Variants in COL11A1 observed in about 807,000 individuals in gnomAD.
The protein encoded by COL11A1 is collagen alpha-1(XI) chain.
COL11A1 carries 74 observed loss-of-function variants against 265.2 expected under a neutral mutation model. The observed-to-expected ratio is 0.28, with a 90% confidence interval of 0.23 to 0.34. The LOEUF (loss-of-function observed/expected upper bound fraction) is 0.34, where lower values mean the gene tolerates loss of function less well. Ranked by LOEUF, COL11A1 falls within the 10% of genes least tolerant of loss-of-function variation. The pLI is 1.00. For missense variants in COL11A1, 2,165 were observed against 2,263.6 expected (o/e 0.96, Z 0.88); for synonymous variants, 816 against 727.6 (o/e 1.12, Z -1.96).
At chr1:102,978,977 A>G in intron 33 of COL11A1, 64 bp from the exon 34 acceptor site, 3 of 1,609,930 alleles carry the variant, frequency 1.9e-6, no homozygotes, top group South Asian at 1.1e-5. Context: ...CACTAAATCA[A>G]TTTTTATTTT....
chr1:103,014,604 G>GATAAC lies in COL11A1; in HGVS notation c.1489-15_1489-11dup. ...CACCACCATAACGGAACTTGGAAGAGATAACATTAAGAAATTCAAAATTAG... is the reference window on the plus strand; with the variant it reads ...CACCACCATAACGGAACTTGGAAGAGATAACATAACATTAAGAAATTCAAAATTAG... On this transcript the variant is annotated splice_polypyrimidine_tract_variant and intron_variant, in intron 12 of 66. Coordinates refer to ENST00000370096, the MANE Select transcript of COL11A1 (RefSeq NM_001854.4). The GATAAC allele has an allele frequency of 6.2e-7, 1 of 1,611,246 alleles. No individual in the cohort carries two copies. The highest frequency in any genetic ancestry group is 8.5e-7 in the Non-Finnish European group (1 of 1,177,570).
chr1:102,958,088 G>C (rs554672965), intron 41 of COL11A1, among the ~76,000 whole-genome samples: 1 of 151,766 alleles, frequency 6.6e-6, no homozygotes, highest in East Asian at 1.9e-4. Context: ...ACAATTATTT[G>C]GTCAATATTC....
intron 1 of COL11A1, among the ~76,000 whole-genome samples, chr1:103,083,787 G>A (rs913322496): frequency 2.5e-4 from 38 of 152,236 alleles, no homozygotes; most frequent in South Asian, 6.2e-4. Context: ...AAAGTCCCTG[G>A]AGATGAGTAA....
intron 4 of COL11A1, among the ~76,000 whole-genome samples, chr1:103,034,615 G>GT (rs919289299): frequency 6.7e-6 from 1 of 150,248 alleles, no homozygotes; most frequent in African/African-American, 2.5e-5. Flanking sequence ...ATTTAGTCAT[G>GT]TTTTTTACGT....
In COL11A1 at chr1:102,914,609, A is replaced by G. The variant is rs551133946; in HGVS notation, c.3924+95T>C. The G allele has an allele frequency of 2.4e-4, 247 of 1,018,916 alleles. 2 individuals are homozygous for G. The African/African-American group carries it at 3.2e-3, about 13-fold the overall frequency. 63.1% of individuals were successfully genotyped at this position (1,018,916 alleles called of 1,614,324 possible). On this transcript the variant is annotated intron_variant, in intron 51 of 66. Coordinates refer to ENST00000370096, the MANE Select transcript of COL11A1 (RefSeq NM_001854.4). ...TGATGAAAAGTCAGATTTACCATCT[A>G]TGTTCCAGAGTCTCAGGATTTCAAA...
intron 4 of COL11A1, among the ~76,000 whole-genome samples, chr1:103,057,555 A>C (rs566869879): frequency 6.6e-6 from 1 of 152,318 alleles, no homozygotes; most frequent in African/African-American, 2.4e-5. Flanking sequence ...TATGTATGGC[A>C]GCCATAGCAT....
chr1:102,941,911 A>G (rs1291977718), intron 42 of COL11A1, among the ~76,000 whole-genome samples: 2 of 152,154 alleles, frequency 1.3e-5, no homozygotes, highest in Admixed American at 6.5e-5. Context: ...TGGCCTGTGG[A>G]CCAGAGTAGT....
intron 36 of COL11A1, among the ~76,000 whole-genome samples, chr1:102,974,404 A>C (rs890565505): frequency 6.6e-6 from 1 of 152,148 alleles, no homozygotes; most frequent in Non-Finnish European, 1.5e-5. Flanking sequence ...ATATAAATAG[A>C]TTTTAGCATG....
At chr1:103,004,749 C>T (rs1019775899) in intron 18 of COL11A1, 88 bp from the exon 19 acceptor site, 5 of 1,172,184 alleles carry the variant, frequency 4.3e-6, no homozygotes, top group Non-Finnish European at 6.2e-6. Context: ...CCAAATAAAA[C>T]AGGACATTTG....
In COL11A1 at chr1:103,015,378, A is replaced by T. The variant is rs994270038; in HGVS notation, c.1488+290T>A. ...TTAATGTTATGTTAAATAACATATG[A>T]AAAACATGTTAATACTGTGACTCAG... On this transcript the variant is annotated intron_variant, in intron 12 of 66. Coordinates refer to ENST00000370096, the MANE Select transcript of COL11A1 (RefSeq NM_001854.4). 2.6e-5 allele frequency among the ~76,000 whole-genome samples: 4 copies of T among 151,976 alleles called. No individual in the cohort carries two copies. In the South Asian group the frequency reaches 6.2e-4, roughly 24 times the overall value.
chr1:103,080,437 A>G (rs984955657), intron 2 of COL11A1, among the ~76,000 whole-genome samples: 4 of 152,002 alleles, frequency 2.6e-5, no homozygotes, highest in African/African-American at 9.7e-5. Context: ...TAAGGGGTTA[A>G]TATTAAAAAC....
intron 1 of COL11A1, among the ~76,000 whole-genome samples, chr1:103,088,193 G>T (rs772593673): frequency 6.6e-6 from 1 of 152,134 alleles, no homozygotes; most frequent in Non-Finnish European, 1.5e-5. Context: ...GACCAGTAGT[G>T]AACCGCATCA....
At chr1:103,052,602 A>G (rs965182132) in intron 4 of COL11A1, among the ~76,000 whole-genome samples, 3 of 152,202 alleles carry the variant, frequency 2.0e-5, no homozygotes, top group Non-Finnish European at 4.4e-5. Context: ...AAGCACAACA[A>G]TTGACACATA....
intron 57 of COL11A1, among the ~76,000 whole-genome samples, chr1:102,891,624 T>C (rs904266696): frequency 1.3e-5 from 2 of 149,968 alleles, no homozygotes; most frequent in Admixed American, 6.7e-5. Flanking sequence ...CCTGTAATCC[T>C]AGCAATTTGA....
At chr1:103,047,425 A>G (rs1475726704) in intron 4 of COL11A1, among the ~76,000 whole-genome samples, 1 of 152,146 alleles carries the variant, frequency 6.6e-6, no homozygotes, top group East Asian at 1.9e-4. Flanking sequence ...GGTGTATAAG[A>G]ATGTTTGTGA....
At chr1:102,938,973 A>G (rs1454734969) in intron 44 of COL11A1, 62 bp downstream of exon 44, 6 of 1,437,812 alleles carry the variant, frequency 4.2e-6, no homozygotes, top group South Asian at 1.1e-5. Flanking sequence ...AAAAATATCA[A>G]TGGTAAACAG....
At chr1:102,946,183 G>A (rs987297715) in intron 42 of COL11A1, among the ~76,000 whole-genome samples, 1 of 114,416 alleles carries the variant, frequency 8.7e-6, no homozygotes, top group Non-Finnish European at 1.8e-5. Flanking sequence ...GTTGTGGGGT[G>A]GGGGGAGGGG....
At position 102,930,076 on chromosome 1, in the gene COL11A1, C is replaced by T. The variant is rs1180328647; in HGVS notation, c.3600+4373G>A. 2.6e-5 allele frequency among the ~76,000 whole-genome samples: 4 copies of T among 152,028 alleles called. No homozygotes were observed. The East Asian group carries it at 7.7e-4, about 29-fold the overall frequency. On this transcript the variant is annotated intron_variant, in intron 46 of 66. Transcript: ENST00000370096. ...ACTTCCTCTTTTCCTAATTGAATAC[C>T]CTTTATTTCCTTCTCCTGCCTAACT...
At chr1:102,919,866 T>C (rs992541957) in intron 49 of COL11A1, among the ~76,000 whole-genome samples, 1 of 152,094 alleles carries the variant, frequency 6.6e-6, no homozygotes, top group Non-Finnish European at 1.5e-5. Context: ...TTCATTCCTT[T>C]GTGGCTTGCA....
Sources: gnomAD v4.1 joint callset for allele counts (sites outside exome capture counted in the v4.1 genomes callset) on GRCh38, gnomAD v4.1.1 for gene constraint, MANE v1.5 for transcripts, NCBI Gene and HGNC (gene_info 2026-07-23, HGNC 2026-07-21) for gene names.